The following MED13 variants were observed in gnomAD, a reference collection of about 807,000 sequenced individuals.
MED13 encodes mediator of RNA polymerase II transcription subunit 13.
A neutral mutation model predicts 225.2 loss-of-function variants in MED13; 23 were observed. The ratio of observed to expected loss-of-function variants is 0.10; its 90% CI spans 0.07 to 0.14. The LOEUF is 0.14. MED13 is among the 10% of genes least tolerant of loss of function. MED13 has a pLI of 1.00. For synonymous variants in MED13, 942 were observed against 889.2 expected, an observed-to-expected ratio of 1.06 and a Z score of -1.06; for missense variants, 2,197 against 2,594.5, an observed-to-expected ratio of 0.85 and a Z score of 3.33.
chr17:62,011,241 G>A lies in MED13; in HGVS notation c.1284-8C>T. Reference sequence around the variant, plus strand: ...GACTTGAGATTTTTGTGCCTGAAAAGTGAAAATAAAGGTTTCATATTTACA... The same window carrying A: ...GACTTGAGATTTTTGTGCCTGAAAAATGAAAATAAAGGTTTCATATTTACA... On this transcript the variant is annotated splice_polypyrimidine_tract_variant and splice_region_variant and intron_variant, in intron 8 of 29. Transcript: ENST00000397786. 6.2e-7 allele frequency: 1 copy of A among 1,601,270 alleles called. No homozygotes were observed. Among genetic ancestry groups the A allele is most frequent in the Non-Finnish European group, 8.5e-7 (1 of 1,174,538 alleles).
chr17:62,054,081 C>T (rs886396052), intron 2 of MED13, among the ~76,000 whole-genome samples: 6 of 151,866 alleles, frequency 4.0e-5, no homozygotes, highest in Non-Finnish European at 7.4e-5. Flanking sequence ...CTGAGGTGGG[C>T]GGATCACCTG....
intron 2 of MED13, among the ~76,000 whole-genome samples, chr17:62,058,806 C>G (rs547630332): frequency 6.6e-6 from 1 of 152,280 alleles, no homozygotes; most frequent in East Asian, 1.9e-4. Context: ...CTTTGCTCAA[C>G]GGTATTGACT....
chr17:62,035,475 T>C lies in MED13; in HGVS notation c.604A>G (p.Ser202Gly). Reference protein sequence around the residue: ...EHITLAQQSNSPFQVILCPFG... With the variant: ...EHITLAQQSNGPFQVILCPFG... ...TAAAATAATCTACCTTGAAATGGGCTATTAGACTGTTGAGCAAGGGTGATA... is the reference window on the plus strand; with the variant it reads ...TAAAATAATCTACCTTGAAATGGGCCATTAGACTGTTGAGCAAGGGTGATA... Residue 202 changes from serine to glycine, a missense_variant, in exon 4 of 30, where the codon AGC (serine) becomes GGC (glycine). This residue lies in a region of MED13 where 884 missense variants were observed against 918.5 expected (regional missense o/e 0.96). Coordinates refer to ENST00000397786, the MANE Select transcript of MED13 (RefSeq NM_005121.3). 1 of 1,609,556 alleles carries C rather than the reference T, an allele frequency of 6.2e-7. No individual in the cohort carries two copies. The highest frequency in any genetic ancestry group is 8.5e-7 in the Non-Finnish European group (1 of 1,177,882).
chr17:62,015,959 T>A (rs1179449924), intron 8 of MED13, among the ~76,000 whole-genome samples: 637 of 9,210 alleles, frequency 0.069, 66 homozygotes, highest in East Asian at 0.47. Flanking sequence ...TATATATTTT[T>A]TTTTTTTTTT....
chr17:61,993,663 C>T (rs1225240791), intron 10 of MED13, among the ~76,000 whole-genome samples: 1 of 151,986 alleles, frequency 6.6e-6, no homozygotes, highest in Non-Finnish European at 1.5e-5. Context: ...GGCACGGTGG[C>T]TCACGCCTGT....
chr17:61,973,732 A>G (rs2080129100), intron 16 of MED13, among the ~76,000 whole-genome samples: 1 of 152,220 alleles, frequency 6.6e-6, no homozygotes, highest in Admixed American at 6.5e-5. Context: ...CTGTAATTCC[A>G]GCACTTTGGG....
intron 2 of MED13, among the ~76,000 whole-genome samples, chr17:62,062,072 A>G (rs2081043016): frequency 6.6e-6 from 1 of 152,190 alleles, no homozygotes; most frequent in Non-Finnish European, 1.5e-5. Flanking sequence ...CCAAAAATAA[A>G]ATAGATCCTA....
intron 3 of MED13, among the ~76,000 whole-genome samples, chr17:62,049,657 C>T (rs566436165): frequency 1.3e-5 from 2 of 152,134 alleles, no homozygotes; most frequent in African/African-American, 2.4e-5. Flanking sequence ...GAAGGCTGGG[C>T]GCCGTGGCTC....
At chr17:61,962,203 T>C (rs2080006889) in intron 21 of MED13, among the ~76,000 whole-genome samples, 1 of 152,110 alleles carries the variant, frequency 6.6e-6, no homozygotes, top group African/African-American at 2.4e-5. Context: ...GGAGAATCTC[T>C]TGAACCTGGG....
At chr17:61,980,562 A>G (rs771059824) in intron 16 of MED13, among the ~76,000 whole-genome samples, 25 of 152,064 alleles carry the variant, frequency 1.6e-4, no homozygotes, top group Admixed American at 3.9e-4. Flanking sequence ...CTTTCCTTAC[A>G]CGTCTTTTGG....
At chr17:62,054,765 G>T (rs7217530) in intron 2 of MED13, among the ~76,000 whole-genome samples, 163 of 152,196 alleles carry the variant, frequency 1.1e-3, no homozygotes, top group African/African-American at 3.9e-3. Context: ...ACAGAATTAT[G>T]TTAGGAATAT....
At chr17:61,962,261 GGCGACAGA>G (rs1385488064) in intron 21 of MED13, among the ~76,000 whole-genome samples, 2 of 152,138 alleles carry the variant, frequency 1.3e-5, no homozygotes, top group African/African-American at 4.8e-5. Flanking sequence ...ACTCCAGTCT[GGCGACAGA>G]GCGAGACTCT....
At chr17:62,061,999 C>G (rs560930407) in intron 2 of MED13, among the ~76,000 whole-genome samples, 2 of 152,278 alleles carry the variant, frequency 1.3e-5, no homozygotes, top group Admixed American at 1.3e-4. Context: ...ACGTACATTC[C>G]TACATAAATG....
intron 9 of MED13, among the ~76,000 whole-genome samples, chr17:61,995,753 T>C (rs2080341446): frequency 1.3e-5 from 2 of 152,198 alleles, no homozygotes; most frequent in African/African-American, 4.8e-5. Flanking sequence ...TAAAAGTGAG[T>C]AAAATACTTT....
chr17:61,960,526 T>C (rs544131959), intron 23 of MED13, among the ~76,000 whole-genome samples: 29 of 152,306 alleles, frequency 1.9e-4, no homozygotes, highest in Non-Finnish European at 1.5e-5. Context: ...ATATCTTAGA[T>C]GGTACATGAG....
At chr17:62,028,829 A>G (rs1036276554) in intron 8 of MED13, among the ~76,000 whole-genome samples, 1 of 151,980 alleles carries the variant, frequency 6.6e-6, no homozygotes, top group African/African-American at 2.4e-5. Context: ...CAGGGGACAG[A>G]GCAAGACTCC....
At chr17:62,013,958 C>G (rs1213961162) in intron 8 of MED13, among the ~76,000 whole-genome samples, 1 of 151,974 alleles carries the variant, frequency 6.6e-6, no homozygotes. Context: ...AGAATCGCTT[C>G]AACCCAGGAG....
chr17:61,962,790 T>C lies in MED13; in HGVS notation c.5026A>G (p.Thr1676Ala), dbSNP rs201674884. 6.8e-6 allele frequency: 11 copies of C among 1,613,910 alleles called. No individual in the cohort carries two copies. The highest frequency in any genetic ancestry group is 8.5e-7 in the Non-Finnish European group (1 of 1,180,000). Residue 1676 changes from threonine to alanine, a missense_variant, in exon 21 of 30, where the codon ACT becomes GCT. Coordinates refer to ENST00000397786, the MANE Select transcript of MED13 (RefSeq NM_005121.3). ...LLRCFLEMVQ[T>A]LPPHIKSTVS... ...GTACTCTTGATATGAGGAGGAAGAG[T>C]CTGGACCATTTCTAGAAAGCATCGA...
chr17:61,968,501 A>AT (rs2080079203), intron 17 of MED13, among the ~76,000 whole-genome samples: 1 of 151,682 alleles, frequency 6.6e-6, no homozygotes, highest in South Asian at 2.1e-4. Flanking sequence ...AATTTTTTGT[A>AT]TTTTTTAGTA....
Sources: gnomAD v4.1 joint callset for allele counts (sites outside exome capture counted in the v4.1 genomes callset) on GRCh38, gnomAD v4.1.1 for gene constraint, gnomAD v4.1.1 regional missense constraint, MANE v1.5 for transcripts, NCBI Gene and HGNC (gene_info 2026-07-23, HGNC 2026-07-21) for gene names.